The following SPTBN5 variants were observed in gnomAD, a reference collection of about 807,000 sequenced individuals.
SPTBN5 encodes the protein spectrin beta, non-erythrocytic 5.
A neutral mutation model predicts 477.6 loss-of-function variants in SPTBN5; 513 were observed. The observed-to-expected ratio is 1.07, with a 90% confidence interval of 1.00 to 1.16. The LOEUF is 1.16. SPTBN5 is among the 50% of genes most tolerant of loss of function. The pLI, the probability that SPTBN5 is intolerant of heterozygous loss-of-function variation, is 0.00. For synonymous variants in SPTBN5, 2,169 were observed against 2,011.7 expected (o/e 1.08, Z -2.09); for missense variants, 5,062 against 4,731.8 (o/e 1.07, Z -2.05).
chr15:41,879,981 C>T (rs2066892611), intron 14 of SPTBN5, 117 bp from the exon 15 acceptor site: 4 of 1,464,622 alleles, frequency 2.7e-6, no homozygotes, highest in Non-Finnish European at 3.7e-6. Flanking sequence ...TGCTGCCTGC[C>T]CCTGGAAAGA....
Position 41,871,502 on chromosome 15 carries a change from C to G in SPTBN5, c.5320G>C (p.Ala1774Pro). Reference protein sequence around the residue: ...EHALHLCTKFAKFQHQVEMGS... With the variant: ...EHALHLCTKFPKFQHQVEMGS... Reference sequence around the variant, plus strand: ...ATCTCCACTTGGTGCTGAAACTTTGCAAACTTGGTGCAGAGGTGCTGAGAA... The same window carrying G: ...ATCTCCACTTGGTGCTGAAACTTTGGAAACTTGGTGCAGAGGTGCTGAGAA... The change falls in exon 29 of 68, where the codon GCA becomes CCA. Residue 1774 changes from alanine (A) to proline (P), a missense_variant. Physicochemically the swap from Ala to Pro is conservative, Grantham distance 27 (BLOSUM62 -1). Coordinates refer to ENST00000320955, the MANE Select transcript of SPTBN5 (RefSeq NM_016642.4). 6.6e-7 allele frequency: 1 copy of G among 1,510,686 alleles called. No individual in the cohort carries two copies. The highest frequency in any genetic ancestry group is 8.9e-7 in the Non-Finnish European group (1 of 1,128,076). 93.6% of individuals were successfully genotyped at this position (1,510,686 alleles called of 1,614,324 possible).
At chr15:41,850,532 G>A (rs182869528) in intron 66 of SPTBN5, 23 of 362,232 alleles carry the variant, frequency 6.3e-5, no homozygotes, top group African/African-American at 4.5e-4. Flanking sequence ...AAAGCCCTTG[G>A]AGGAACACAG....
At chr15:41,863,580 C>T (rs2066191702) in intron 41 of SPTBN5, 124 bp downstream of exon 41, 2 of 739,470 alleles carry the variant, frequency 2.7e-6, no homozygotes, top group Admixed American at 4.8e-5. Context: ...GGACCCACCT[C>T]CAAGTACCCA....
chr15:41,868,079 G>T lies in SPTBN5; in HGVS notation c.6197C>A (p.Ala2066Glu), dbSNP rs376824278. Residue 2066 changes from alanine to glutamate, a missense_variant, in exon 34 of 68, where the codon GCG (alanine) becomes GAG (glutamate). Ala to Glu is a moderately radical substitution (Grantham distance 107, BLOSUM62 -1). Coordinates refer to ENST00000320955, the MANE Select transcript of SPTBN5 (RefSeq NM_016642.4). Reference sequence around the variant, plus strand: ...CGGGAGGGGACCTGCCTCCTGGGCCGCGAGGATCTCCTCCAGGCGGCCGCA... The same window carrying T: ...CGGGAGGGGACCTGCCTCCTGGGCCTCGAGGATCTCCTCCAGGCGGCCGCA... ...RECGRLEEIL[A>E]AQEVSLKTSA... 1.1e-5 allele frequency: 18 copies of T among 1,601,766 alleles called. No individual in the cohort carries two copies. The highest frequency in any genetic ancestry group is 2.1e-4 in the Middle Eastern group (1 of 4,752).
intron 14 of SPTBN5, 73 bp downstream of exon 14, chr15:41,880,087 C>T: frequency 6.7e-7 from 1 of 1,500,590 alleles, no homozygotes; most frequent in Admixed American, 2.4e-5. Context: ...AATTGGAAAA[C>T]TGAGTCACAG....
Position 41,860,666 on chromosome 15 carries a change from C to T in SPTBN5, c.7908G>A (p.Glu2636=). 6.3e-7 allele frequency: 1 copy of T among 1,575,168 alleles called. No homozygotes were observed. The change falls in exon 47 of 68, where the codon GAG becomes GAA. Residue 2636 remains glutamate (E), a synonymous_variant. Coordinates refer to ENST00000320955, the MANE Select transcript of SPTBN5 (RefSeq NM_016642.4). ...CCTGGTGCAGGCCGCGGGCCGTGGC[C>T]TCCAGAGCACTGATCTTTCCCGCCT... ...EVQAGKISAL[E]ATARGLHQGG...
At chr15:41,883,860 G>A (rs922504844) in intron 7 of SPTBN5, among the ~76,000 whole-genome samples, 1 of 152,022 alleles carries the variant, frequency 6.6e-6, no homozygotes, top group Admixed American at 6.5e-5. Flanking sequence ...GTGCAATCTT[G>A]GCTCACTGCA....
In SPTBN5 at chr15:41,879,348, C is replaced by A; in HGVS notation, c.3094G>T (p.Glu1032Ter). The stretch of plus-strand genomic sequence containing the variant: ...AGCTGCAGGGCGTGGCAGGTGTCCT[C>A]TGAGCTCCCTGGCTGCAGGGCCTCC... ...QLEALQPGSS[E>*]DTCHALQLAQ... is the part of the protein sequence containing the mutation. Residue 1032 changes from glutamate (E) to a stop codon, truncating the protein, a stop_gained, in exon 16 of 68, where the codon GAG becomes TAG. Coordinates refer to ENST00000320955, the MANE Select transcript of SPTBN5 (RefSeq NM_016642.4). LOFTEE classifies it high-confidence loss of function. 6.2e-7 allele frequency: 1 copy of A among 1,609,576 alleles called. No homozygotes were observed. Among genetic ancestry groups the A allele is most frequent in the Non-Finnish European group, 8.5e-7 (1 of 1,179,738 alleles).
intron 47 of SPTBN5, among the ~76,000 whole-genome samples, chr15:41,860,121 G>A (rs140482858): frequency 6.6e-6 from 1 of 152,228 alleles, no homozygotes; most frequent in Non-Finnish European, 1.5e-5. Context: ...TAGCCTGCCT[G>A]TGGGGCCAGC....
intron 26 of SPTBN5, among the ~76,000 whole-genome samples, chr15:41,873,018 T>G (rs1183456605): frequency 6.6e-6 from 1 of 152,036 alleles, no homozygotes; most frequent in Non-Finnish European, 1.5e-5. Context: ...GAGTCCGAAT[T>G]CAGGAGTGAG....
chr15:41,851,290 G>A lies in SPTBN5; in HGVS notation c.10736C>T (p.Ala3579Val). ...CCCTACCCCGCCTGGTACCTCCGCT[G>A]CCATCCTCTCATCCAGGAACAGGCT... is the stretch of plus-strand genomic sequence containing the variant. ...SLSLFLDERM[A>V]AEKVASIALL... The change falls in exon 64 of 68, where the codon GCA (alanine) becomes GTA (valine). Residue 3579 changes from alanine (A) to valine (V), a missense_variant. By Grantham distance (64) the Ala-to-Val change is moderately conservative (BLOSUM62 0). Transcript: ENST00000320955. The A allele has an allele frequency of 6.4e-7, 1 of 1,551,208 alleles. No individual in the cohort carries two copies. Among genetic ancestry groups the A allele is most frequent in the Non-Finnish European group, 8.7e-7 (1 of 1,146,988 alleles).
In SPTBN5 at chr15:41,893,742, A is replaced by AGCCCAGCCAGGTAAGGGCCAGTGC; in HGVS notation, c.-50+156_-50+157insGCACTGGCCCTTACCTGGCTGGGC. The AGCCCAGCCAGGTAAGGGCCAGTGC allele has an allele frequency of 3.2e-6, 2 of 632,764 alleles. 1 individual carries two copies. The allele number at this position is 632,764 out of a possible 1,614,324, so 39.2% of individuals were successfully genotyped here. A position where few individuals can be genotyped will look rare whatever the true frequency, so the allele number is the denominator to read the frequency against. ...CCCTTTGCCCCACCCCACCTTCCAG[A>AGCCCAGCCAGGTAAGGGCCAGTGC]TTCTTCTTCTCAGAGCCCCTGCTGC... On this transcript the variant is annotated intron_variant, in intron 1 of 67. Coordinates refer to ENST00000320955, the MANE Select transcript of SPTBN5 (RefSeq NM_016642.4).
At chr15:41,879,703 C>T (rs1173774578) in intron 15 of SPTBN5, 31 bp downstream of exon 15, 3 of 1,612,056 alleles carry the variant, frequency 1.9e-6, no homozygotes, top group African/African-American at 1.3e-5. Context: ...GTCTGCCTGC[C>T]TCACCACCTG....
Position 41,876,621 on chromosome 15 carries a change from T to G in SPTBN5, c.3878A>C (p.Gln1293Pro). Reference protein sequence around the residue: ...HTVREQLQSIQAQWTRLQGRS... With the variant: ...HTVREQLQSIPAQWTRLQGRS... ...CCCCTGGAGCCTGGTCCACTGTGCC[T>G]GGATACTCTGCAGCTGCTCTCTGAC... Residue 1293 changes from glutamine (Q) to proline (P), a missense_variant, in exon 20 of 68, where the codon CAG becomes CCG. Gln to Pro is a moderately conservative substitution (Grantham distance 76). Coordinates refer to ENST00000320955, the MANE Select transcript of SPTBN5 (RefSeq NM_016642.4). 6.5e-7 allele frequency: 1 copy of G among 1,531,352 alleles called. No individual in the cohort carries two copies. Among genetic ancestry groups the G allele is most frequent in the Non-Finnish European group, 8.8e-7 (1 of 1,140,750 alleles). 94.9% of individuals were successfully genotyped at this position (1,531,352 alleles called of 1,614,324 possible). A position where few individuals can be genotyped will look rare whatever the true frequency, so the allele number is the denominator to read the frequency against.
At position 41,865,840 on chromosome 15, in the gene SPTBN5, G is replaced by C. The variant is rs773039764; in HGVS notation, c.6886C>G (p.Arg2296Gly). ...GAGTTTCCTCGGAACTCGCGGAGCC[G>C]CCGTCGGAGCTGCAGGCAGTGCTCC... ...DLEHCLQLRR[R>G]LREFRGNSAG... The change falls in exon 39 of 68, where the codon CGG becomes GGG. Residue 2296 changes from arginine to glycine, a missense_variant. By Grantham distance (125) the Arg-to-Gly change is moderately radical (BLOSUM62 -2). Coordinates refer to ENST00000320955, the MANE Select transcript of SPTBN5 (RefSeq NM_016642.4). 3.2e-5 allele frequency: 50 copies of C among 1,577,280 alleles called. No homozygotes were observed. Among genetic ancestry groups the C allele is most frequent in the Non-Finnish European group, 4.1e-5 (48 of 1,162,076 alleles).
chr15:41,875,607 AC>A lies in SPTBN5; in HGVS notation c.4137del (p.Leu1380Ter). On this transcript the variant is annotated frameshift_variant, in exon 22 of 68. Transcript: ENST00000320955. LOFTEE classifies it high-confidence loss of function. Reference protein sequence around the residue: ...VEALQQVGRELLSRRPCGQED... With the variant: ...VEALQQVGREXLSRRPCGQED... ...TCCTGGCCACAGGGCCTCCTACTCA[AC>A]AGCTCTCTCCCAACCTGGAGTGGAG... 6.3e-7 allele frequency: 1 copy of A among 1,592,506 alleles called. No homozygotes were observed. Among genetic ancestry groups the A allele is most frequent in the East Asian group, 2.3e-5 (1 of 43,948 alleles).
At position 41,860,594 on chromosome 15, in the gene SPTBN5, C is replaced by T. The variant is rs1395256123; in HGVS notation, c.7980G>A (p.Met2660Ile). ...AQSALGRCQA[M>I]LLRKEALFRQ... The stretch of plus-strand genomic sequence containing the variant: ...CCCAGAGCCACCACTACCTCAGAAG[C>T]ATGGCCTGGCACCTGCCCAGGGCAC... The change falls in exon 47 of 68, where the codon ATG becomes ATA. Residue 2660 changes from methionine to isoleucine, a missense_variant. Physicochemically the swap from Met to Ile is conservative, Grantham distance 10 (BLOSUM62 1). Transcript: ENST00000320955. 29 of 1,452,666 alleles carry T rather than the reference C, an allele frequency of 2.0e-5. No individual in the cohort carries two copies. The highest frequency in any genetic ancestry group is 2.6e-5 in the Non-Finnish European group (29 of 1,097,706). 90.0% of individuals were successfully genotyped at this position (1,452,666 alleles called of 1,614,324 possible). A position where few individuals can be genotyped will look rare whatever the true frequency, so the allele number is the denominator to read the frequency against.
rs185211928 is a variant in SPTBN5, at chr15:41,884,176, C to T, written c.1521-690G>A. On this transcript the variant is annotated intron_variant, in intron 7 of 67. Coordinates refer to ENST00000320955, the MANE Select transcript of SPTBN5 (RefSeq NM_016642.4). ...AATTTTTTTGTATTTTTAGTAGAGA[C>T]GGGGTTTCACTGTGTTAGCCAGGAT... Among the ~76,000 whole-genome samples the T allele has an allele frequency of 4.4e-3, 670 of 152,054 alleles. 3 individuals carry two copies. The highest frequency in any genetic ancestry group is 0.015 in the African/African-American group (621 of 41,484).
rs1381642620 is a variant in SPTBN5, at chr15:41,849,949, C to T, written c.10932G>A (p.Leu3644=). 6.9e-6 allele frequency: 11 copies of T among 1,592,208 alleles called. No individual in the cohort carries two copies. The highest frequency in any genetic ancestry group is 3.5e-5 in the Admixed American group (2 of 56,814). Residue 3644 remains leucine, a synonymous_variant, in exon 67 of 68, where the codon CTG becomes CTA. Coordinates refer to ENST00000320955, the MANE Select transcript of SPTBN5 (RefSeq NM_016642.4). The part of the protein sequence containing the change: ...RALGSTAAQS[L]SPKLKAKPVS... ...CAGGTTTGGCTTTGAGTTTTGGGCT[C>T]AGACTCTGGGCTGCAGAGCAAGGGA...
Sources: gnomAD v4.1 joint callset for allele counts (sites outside exome capture counted in the v4.1 genomes callset) on GRCh38, gnomAD v4.1.1 for gene constraint, MANE v1.5 for transcripts, NCBI Gene and HGNC (gene_info 2026-07-23, HGNC 2026-07-21) for gene names.